TMEM140: variants seen among roughly 807,000 people sequenced by gnomAD.
The protein encoded by TMEM140 is transmembrane protein 140.
For missense variants in TMEM140, 236 were observed against 228.5 expected (o/e 1.03, Z -0.21); for synonymous variants, 107 against 106.8 (o/e 1.00, Z -0.01).
In TMEM140 at chr7:135,164,736, C is replaced by G. The variant is rs148014348; in HGVS notation, c.295C>G (p.Gln99Glu). ...CCTGGTCCTCACCCTCTTTGCCCCCCAGCCTCTCCTCCTAGCCCAGTGCAA... is the reference window on the plus strand; with the variant it reads ...CCTGGTCCTCACCCTCTTTGCCCCCGAGCCTCTCCTCCTAGCCCAGTGCAA... ...GSLVLTLFAP[Q>E]PLLLAQCNSD... is the part of the protein sequence containing the mutation. Residue 99 changes from glutamine (Q) to glutamate (E), a missense_variant, in exon 2 of 2, where the codon CAG becomes GAG. Gln to Glu is a conservative substitution (Grantham distance 29). Transcript: ENST00000275767. The G allele has an allele frequency of 6.2e-7, 1 of 1,614,114 alleles. No homozygotes were observed. Among genetic ancestry groups the G allele is most frequent in the Admixed American group, 1.7e-5 (1 of 60,014 alleles).
intron 1 of TMEM140, among the ~76,000 whole-genome samples, chr7:135,158,353 A>G (rs997056028): frequency 2.6e-5 from 4 of 152,242 alleles, no homozygotes; most frequent in African/African-American, 9.6e-5. Context: ...CACCAGCCCA[A>G]TCTCAGTTCC....
rs996014100 is a variant in TMEM140, at chr7:135,163,719, T to A, written c.-24-699T>A. Among the ~76,000 whole-genome samples the A allele has an allele frequency of 1.2e-4, 19 of 152,216 alleles. 1 individual carries two copies. The highest frequency in any genetic ancestry group is 4.6e-4 in the African/African-American group (19 of 41,450). ...ACCATTGTCAGGAAAAAATATGTAT[T>A]AGTTTTTAAAGTAATGAGTATATGA... On this transcript the variant is annotated intron_variant, in intron 1 of 1. Transcript: ENST00000275767.
At chr7:135,159,295 C>T (rs557961041) in intron 1 of TMEM140, among the ~76,000 whole-genome samples, 44 of 152,248 alleles carry the variant, frequency 2.9e-4, no homozygotes, top group Non-Finnish European at 5.3e-4. Flanking sequence ...TTGATCCTTT[C>T]GAAAATTTAC....
Position 135,148,218 on chromosome 7 carries a change from T to G in TMEM140, c.-77T>G, listed in dbSNP as rs1829587446. The stretch of plus-strand genomic sequence containing the variant: ...GGAAGATTCAAACAACCAACCCTGA[T>G]TTCCTGCTTCTCCTTTTCATGAGTG... On this transcript the variant is annotated 5_prime_UTR_variant, in exon 1 of 2. Coordinates refer to ENST00000275767, the MANE Select transcript of TMEM140 (RefSeq NM_018295.5). 1 of 417,928 alleles carries G rather than the reference T, an allele frequency of 2.4e-6. No homozygotes were observed. Among genetic ancestry groups the G allele is most frequent in the Non-Finnish European group, 4.7e-6 (1 of 211,926 alleles). The allele number at this position is 417,928 out of a possible 1,614,324, so 25.9% of individuals were successfully genotyped here.
rs139663826 is a variant in TMEM140, at chr7:135,151,934, T to C, written c.-25+3664T>C. On this transcript the variant is annotated intron_variant, in intron 1 of 1. Coordinates refer to ENST00000275767, the MANE Select transcript of TMEM140 (RefSeq NM_018295.5). The surrounding 1 kb of genome is among the most constrained non-coding windows in gnomAD (Gnocchi z 4.3). ...CATAAATGAGACCAGCTTCCTAGAG[T>C]TCATCTCTGGGAATGAACCCTGGCA... Among the ~76,000 whole-genome samples the C allele has an allele frequency of 7.8e-4, 118 of 151,972 alleles. 1 individual carries two copies. Among genetic ancestry groups the C allele is most frequent in the African/African-American group, 2.7e-3 (112 of 41,428 alleles).
rs1830069938 is a variant in TMEM140 at position 135,165,418 on chromosome 7, T to A, written c.*419T>A. The A allele has an allele frequency of 5.5e-6, 1 of 181,232 alleles. No individual in the cohort carries two copies. Among genetic ancestry groups the A allele is most frequent in the African/African-American group, 2.4e-5 (1 of 41,660 alleles). The allele number at this position is 181,232 out of a possible 1,614,324, so 11.2% of individuals were successfully genotyped here. On this transcript the variant is annotated 3_prime_UTR_variant, in exon 2 of 2. Coordinates refer to ENST00000275767, the MANE Select transcript of TMEM140 (RefSeq NM_018295.5). ...GAACTTACGGCAACAAACGAGGACA[T>A]TAAAAGAGCGAGCACCTCAGTGTCT...
chr7:135,160,341 A>G (rs1269924780), intron 1 of TMEM140, among the ~76,000 whole-genome samples: 1 of 152,238 alleles, frequency 6.6e-6, no homozygotes, highest in Non-Finnish European at 1.5e-5. Context: ...TGAAGGAAAC[A>G]CTGGCTTATC....
chr7:135,154,112 G>T (rs944734893), intron 1 of TMEM140, among the ~76,000 whole-genome samples: 7 of 152,082 alleles, frequency 4.6e-5, no homozygotes, highest in African/African-American at 1.7e-4. Context: ...TTTCTAGTTT[G>T]TGAGCATGCA....
chr7:135,155,663 C>T (rs980161836), intron 1 of TMEM140, among the ~76,000 whole-genome samples: 1 of 152,022 alleles, frequency 6.6e-6, no homozygotes, highest in African/African-American at 2.4e-5. Flanking sequence ...CCAACCGGGG[C>T]AAAATAGCAA....
intron 1 of TMEM140, among the ~76,000 whole-genome samples, chr7:135,157,743 G>C (rs898329240): frequency 6.6e-6 from 1 of 152,248 alleles, no homozygotes; most frequent in Non-Finnish European, 1.5e-5. Flanking sequence ...CAGTCTCACA[G>C]CCACCTGTAG....
chr7:135,153,456 C>CA (rs55776467), intron 1 of TMEM140, among the ~76,000 whole-genome samples: 2,325 of 81,340 alleles, frequency 0.029, 174 homozygotes, highest in African/African-American at 0.099. Context: ...TCCATCTCCA[C>CA]AAAAAAAAAA....
chr7:135,159,966 C>T (rs1380256610), intron 1 of TMEM140, among the ~76,000 whole-genome samples: 3 of 152,190 alleles, frequency 2.0e-5, no homozygotes, highest in Non-Finnish European at 2.9e-5. Context: ...AAAATATTCA[C>T]CATAGCATTC....
chr7:135,149,863 G>C (rs1201771387), intron 1 of TMEM140, among the ~76,000 whole-genome samples: 1 of 152,028 alleles, frequency 6.6e-6, no homozygotes, highest in Admixed American at 6.5e-5. Context: ...TTGACAGTTT[G>C]CGTAAACATT....
chr7:135,155,490 A>G (rs1397074734), intron 1 of TMEM140, among the ~76,000 whole-genome samples: 1 of 152,206 alleles, frequency 6.6e-6, no homozygotes, highest in Non-Finnish European at 1.5e-5. Flanking sequence ...ATTGTTTTAT[A>G]CAAACTATGA....
chr7:135,156,742 T>C (rs1188532098), intron 1 of TMEM140, among the ~76,000 whole-genome samples: 1 of 152,244 alleles, frequency 6.6e-6, no homozygotes, highest in African/African-American at 2.4e-5. Context: ...CTGCTGCTGC[T>C]GGACAGCTGT....
At chr7:135,152,359 C>T (rs2348286) in intron 1 of TMEM140, among the ~76,000 whole-genome samples, 73,758 of 151,996 alleles carry the variant, frequency 0.49, 18,260 homozygotes, top group South Asian at 0.66. Flanking sequence ...AGTTAATGCA[C>T]GTAAAGGGCC....
intron 1 of TMEM140, among the ~76,000 whole-genome samples, chr7:135,162,027 A>T (rs1305403305): frequency 2.0e-5 from 3 of 152,240 alleles, no homozygotes; most frequent in East Asian, 3.8e-4. Context: ...TCTGCCAAAG[A>T]AGTCGCTGGT....
intron 1 of TMEM140, among the ~76,000 whole-genome samples, chr7:135,160,732 A>AT (rs1207607216): frequency 7.5e-5 from 7 of 93,478 alleles, no homozygotes; most frequent in Non-Finnish European, 1.9e-4. Context: ...TCATTCGCTC[A>AT]TTTAAAAAAA....
intron 1 of TMEM140, among the ~76,000 whole-genome samples, chr7:135,156,499 A>C (rs1829797425): frequency 6.6e-6 from 1 of 151,828 alleles, no homozygotes; most frequent in East Asian, 1.9e-4. Flanking sequence ...CTACTGTTGA[A>C]GTTTTTGAGC....
Sources: gnomAD v4.1 joint callset for allele counts (sites outside exome capture counted in the v4.1 genomes callset) on GRCh38, gnomAD v4.1.1 for gene constraint, Gnocchi (gnomAD v3.1) non-coding constraint, MANE v1.5 for transcripts, NCBI Gene and HGNC (gene_info 2026-07-23, HGNC 2026-07-21) for gene names.